Variants in TMPRSS11F observed in about 807,000 individuals in gnomAD.
TMPRSS11F encodes transmembrane serine protease 11F.
In TMPRSS11F, 47 loss-of-function variants were observed where a neutral mutation model predicts 60.2. The observed-to-expected ratio is 0.78, with a 90% confidence interval of 0.62 to 1.00. The LOEUF is 1.00. Among genes scored for constraint, TMPRSS11F ranks in the 50% least tolerant of loss-of-function variants. TMPRSS11F has a pLI of 0.00. For missense variants in TMPRSS11F, 519 were observed against 522.9 expected (o/e 0.99, Z 0.07); for synonymous variants, 166 against 167.3 (o/e 0.99, Z 0.06).
chr4:68,104,541 A>G (rs1404120760), intron 1 of TMPRSS11F, among the ~76,000 whole-genome samples: 1 of 152,120 alleles, frequency 6.6e-6, no homozygotes, highest in Non-Finnish European at 1.5e-5. Context: ...TGCGAAGGAC[A>G]TGCTTGCTTC....
rs900726353 is a variant in TMPRSS11F, at chr4:68,053,207, G to A, written c.*702C>T. ...CTTAATTTTTTTTTTTGTCCTTTCT[G>A]GGCCAACTGCTACTAACATATAGAT... On this transcript the variant is annotated 3_prime_UTR_variant, in exon 10 of 10. Coordinates refer to ENST00000356291, the MANE Select transcript of TMPRSS11F (RefSeq NM_207407.2). 1 of 151,064 alleles carries A rather than the reference G, an allele frequency of 6.6e-6. No individual in the cohort carries two copies. Among genetic ancestry groups the A allele is most frequent in the Non-Finnish European group, 1.5e-5 (1 of 67,772 alleles). The allele number at this position is 151,064 out of a possible 1,614,324, so 9.4% of individuals were successfully genotyped here.
At chr4:68,091,753 C>CTA (rs373692229) in intron 2 of TMPRSS11F, among the ~76,000 whole-genome samples, 24,396 of 100,920 alleles carry the variant, frequency 0.24, 2,629 homozygotes, top group Non-Finnish European at 0.3. Flanking sequence ...TCTAATCTCT[C>CTA]TCTCTCTCTC....
chr4:68,111,743 A>G (rs935723407), intron 1 of TMPRSS11F, among the ~76,000 whole-genome samples: 3 of 152,098 alleles, frequency 2.0e-5, no homozygotes, highest in Non-Finnish European at 4.4e-5. Context: ...AATTTACCCA[A>G]TTCTTTTTAG....
rs751019757 is a variant in TMPRSS11F, at chr4:68,072,350, T to G, written c.487A>C (p.Ile163Leu). The G allele has an allele frequency of 6.3e-7, 1 of 1,595,988 alleles. No homozygotes were observed. The highest frequency in any genetic ancestry group is 1.1e-5 in the South Asian group (1 of 88,042). Residue 163 changes from isoleucine to leucine, a missense_variant, in exon 5 of 10, where the codon ATA (isoleucine) becomes CTA (leucine). By Grantham distance (5) the Ile-to-Leu change is conservative. Transcript: ENST00000356291. ...SLKTKQLSLTINKPSFRLTPI... is the reference protein window; with the variant it reads ...SLKTKQLSLTLNKPSFRLTPI... ...GTGAGTCTAAATGATGGTTTGTTTA[T>G]GGTCAAAGACAATTGTTTGGTCTTC...
At chr4:68,076,349 G>A (rs1287021879) in intron 3 of TMPRSS11F, among the ~76,000 whole-genome samples, 1 of 152,158 alleles carries the variant, frequency 6.6e-6, no homozygotes, top group Admixed American at 6.5e-5. Flanking sequence ...AACAGCTAAA[G>A]CTATTCCACA....
intron 4 of TMPRSS11F, among the ~76,000 whole-genome samples, 173 bp from the exon 5 acceptor site, chr4:68,072,659 G>A (rs1438393): frequency 0.041 from 6,195 of 152,098 alleles, 375 homozygotes; most frequent in African/African-American, 0.13. Flanking sequence ...ACCAGGAAGT[G>A]TTGGAAGCAC....
chr4:68,098,633 CT>C (rs1724127008), intron 2 of TMPRSS11F, among the ~76,000 whole-genome samples: 1 of 152,130 alleles, frequency 6.6e-6, no homozygotes, highest in African/African-American at 2.4e-5. Flanking sequence ...GAAAGATGAT[CT>C]TTTCATTCTT....
At chr4:68,072,242 T>TATATATATATCTTCCAAA in intron 5 of TMPRSS11F, 81 bp downstream of exon 5, 1 of 155,382 alleles carries the variant, frequency 6.4e-6, no homozygotes, top group African/African-American at 3.1e-5. Context: ...TATATATATA[T>TATATATATATCTTCCAAA]ATATATATTG....
chr4:68,115,774 G>A (rs1724506185), intron 1 of TMPRSS11F, among the ~76,000 whole-genome samples: 1 of 151,948 alleles, frequency 6.6e-6, no homozygotes, highest in African/African-American at 2.4e-5. Context: ...CAATAGCACT[G>A]AAAACTATGA....
intron 1 of TMPRSS11F, among the ~76,000 whole-genome samples, chr4:68,100,899 T>C (rs190180177): frequency 2.0e-5 from 3 of 152,288 alleles, no homozygotes; most frequent in Admixed American, 2.0e-4. Flanking sequence ...ATAATCGAAG[T>C]CTCTATTTCC....
At chr4:68,073,695 T>C (rs942032417) in intron 4 of TMPRSS11F, among the ~76,000 whole-genome samples, 2 of 152,220 alleles carry the variant, frequency 1.3e-5, no homozygotes, top group African/African-American at 2.4e-5. Flanking sequence ...GAATGTTAAC[T>C]GTGTCATTCC....
intron 7 of TMPRSS11F, among the ~76,000 whole-genome samples, chr4:68,066,992 C>T (rs1405103208): frequency 6.6e-6 from 1 of 151,616 alleles, no homozygotes; most frequent in South Asian, 2.1e-4. Context: ...CAAAGTACCA[C>T]GTAGTTTTCC....
intron 3 of TMPRSS11F, among the ~76,000 whole-genome samples, chr4:68,084,169 G>T (rs1723760325): frequency 6.6e-6 from 1 of 152,134 alleles, no homozygotes; most frequent in East Asian, 1.9e-4. Context: ...ATGAGATTAT[G>T]TAAAGAGACC....
chr4:68,062,282 T>C (rs927009458), intron 8 of TMPRSS11F: 4 of 428,744 alleles, frequency 9.3e-6, no homozygotes, highest in African/African-American at 8.3e-5. Context: ...ATCAAAAACA[T>C]CTTATTAAAT....
At chr4:68,077,965 C>G (rs975884207) in intron 3 of TMPRSS11F, among the ~76,000 whole-genome samples, 6 of 152,066 alleles carry the variant, frequency 3.9e-5, no homozygotes, top group Admixed American at 3.9e-4. Context: ...CCGTGGCAGC[C>G]AGGATGAGCA....
At chr4:68,122,583 A>C (rs376435792) in intron 1 of TMPRSS11F, among the ~76,000 whole-genome samples, 1 of 152,212 alleles carries the variant, frequency 6.6e-6, no homozygotes, top group Non-Finnish European at 1.5e-5. Context: ...TGCAATTCTA[A>C]TAGGTAGATT....
chr4:68,072,959 C>G (rs1354665311), intron 4 of TMPRSS11F, among the ~76,000 whole-genome samples: 1 of 152,132 alleles, frequency 6.6e-6, no homozygotes, highest in Non-Finnish European at 1.5e-5. Flanking sequence ...ATTTCCTGGG[C>G]TTTCCTGAGG....
At chr4:68,078,289 T>C (rs752091176) in intron 3 of TMPRSS11F, among the ~76,000 whole-genome samples, 3 of 152,206 alleles carry the variant, frequency 2.0e-5, no homozygotes, top group Non-Finnish European at 4.4e-5. Context: ...TACAACTTTT[T>C]TCCCCCCTGG....
At chr4:68,097,603 T>C (rs928777861) in intron 2 of TMPRSS11F, among the ~76,000 whole-genome samples, 6 of 152,146 alleles carry the variant, frequency 3.9e-5, no homozygotes, top group Non-Finnish European at 7.4e-5. Flanking sequence ...AATTAGGACA[T>C]GGACATCTTG....
Sources: allele counts gnomAD v4.1 joint callset (sites outside exome capture counted in the v4.1 genomes callset), GRCh38; gene constraint gnomAD v4.1.1; transcripts MANE v1.5; gene names NCBI Gene and HGNC (gene_info 2026-07-23, HGNC 2026-07-21).